Variants in PIGR observed in about 807,000 individuals in gnomAD.
PIGR encodes the protein polymeric immunoglobulin receptor.
A neutral mutation model predicts 69.5 loss-of-function variants in PIGR; 22 were observed. The observed-to-expected ratio is 0.32, with a 90% CI of 0.23 to 0.45. The LOEUF is 0.45. PIGR is among the 20% of genes least tolerant of loss of function. The pLI is 1.00. For synonymous variants in PIGR, 413 were observed against 407.6 expected (o/e 1.01, Z -0.16); for missense variants, 885 against 974.0 (o/e 0.91, Z 1.22).
intron 1 of PIGR, among the ~76,000 whole-genome samples, chr1:206,943,213 A>G (rs1009589991): frequency 6.6e-6 from 1 of 152,224 alleles, no homozygotes; most frequent in Admixed American, 6.5e-5. Context: ...GACTTCATCC[A>G]TCAGCACAAC....
chr1:206,933,320 G>C (rs1679798147), intron 6 of PIGR, among the ~76,000 whole-genome samples, 154 bp from the exon 7 acceptor site: 1 of 152,168 alleles, frequency 6.6e-6, no homozygotes, highest in Non-Finnish European at 1.5e-5. Flanking sequence ...ATTAGAAACA[G>C]CTGTGATGGC....
Position 206,931,422 on chromosome 1 carries a change from C to T in PIGR, c.2199+75G>A, listed in dbSNP as rs914956626. 1.1e-4 allele frequency: 175 copies of T among 1,612,984 alleles called. 1 individual carries two copies. The Admixed American group carries it at 2.9e-3, about 26-fold the overall frequency. Reference sequence around the variant, plus strand: ...GATCGGCCCCCATGTTGAGGTAGTTCTTTCTGAAGTCTAACTGCATCCCCT... The same window carrying T: ...GATCGGCCCCCATGTTGAGGTAGTTTTTTCTGAAGTCTAACTGCATCCCCT... On this transcript the variant is annotated intron_variant, in intron 10 of 10. Transcript: ENST00000356495.
At chr1:206,933,447 C>T (rs575613117) in intron 6 of PIGR, among the ~76,000 whole-genome samples, 4 of 152,240 alleles carry the variant, frequency 2.6e-5, no homozygotes, top group African/African-American at 4.8e-5. Flanking sequence ...CACTTATGCC[C>T]GGGAGATTTT....
chr1:206,930,986 T>C lies in PIGR; in HGVS notation c.2199+511A>G. Reference sequence around the variant, plus strand: ...CCTAGGGCAGATTGAGGGGATGGTATATGGCACCCAAGGCAGGAGTTGCCT... The same window carrying C: ...CCTAGGGCAGATTGAGGGGATGGTACATGGCACCCAAGGCAGGAGTTGCCT... On this transcript the variant is annotated intron_variant, in intron 10 of 10. Coordinates refer to ENST00000356495, the MANE Select transcript of PIGR (RefSeq NM_002644.4). This position sits in a 1 kb window ranked among gnomAD's most constrained non-coding sequence, Gnocchi z 4.3. 2 of 985,412 alleles carry C rather than the reference T, an allele frequency of 2.0e-6. No individual in the cohort carries two copies. Among genetic ancestry groups the C allele is most frequent in the South Asian group, 4.7e-5 (1 of 21,284 alleles). The allele number at this position is 985,412 out of a possible 1,614,324, so 61.0% of individuals were successfully genotyped here.
At chr1:206,934,785 G>A (rs753767569) in intron 5 of PIGR, 39 bp from the exon 6 acceptor site, 43 of 1,476,104 alleles carry the variant, frequency 2.9e-5, no homozygotes, top group Middle Eastern at 3.5e-4. Context: ...CACAGAAGTT[G>A]GTACTTGGAG....
rs140860484 is a variant in PIGR, at chr1:206,939,181, T to C, written c.326A>G (p.Lys109Arg). 24 of 1,614,032 alleles carry C rather than the reference T, an allele frequency of 1.5e-5. No homozygotes were observed. Among genetic ancestry groups the C allele is most frequent in the Admixed American group, 3.3e-5 (2 of 59,996 alleles). ...TCGGCTATTGATGCCCAGGCCACACTTGTAGCGCCCGGAGTCATCCTGGCT... is the reference window on the plus strand; with the variant it reads ...TCGGCTATTGATGCCCAGGCCACACCTGTAGCGCCCGGAGTCATCCTGGCT... ...QLSQDDSGRY[K>R]CGLGINSRGL... The change falls in exon 3 of 11, where the codon AAG becomes AGG. Residue 109 changes from lysine (K) to arginine (R), a missense_variant. Lys to Arg is a conservative substitution (Grantham distance 26). Transcript: ENST00000356495.
intron 1 of PIGR, among the ~76,000 whole-genome samples, chr1:206,946,077 C>T (rs1441218049): frequency 3.3e-5 from 5 of 152,168 alleles, no homozygotes; most frequent in Non-Finnish European, 5.9e-5. Flanking sequence ...CATATGCTGA[C>T]CACAGAGGTC....
In PIGR at chr1:206,939,481, A is replaced by G; in HGVS notation, c.44-18T>C. 6.4e-7 allele frequency: 1 copy of G among 1,561,646 alleles called. No homozygotes were observed. On this transcript the variant is annotated intron_variant, in intron 2 of 10. Coordinates refer to ENST00000356495, the MANE Select transcript of PIGR (RefSeq NM_002644.4). ...GGAGATGGCTGTGGGAACAGAAGAG[A>G]GAGGCTTTCTGAGGCCCTTGGGAGG...
At chr1:206,933,710 G>C (rs2102598099) in intron 6 of PIGR, among the ~76,000 whole-genome samples, 1 of 152,306 alleles carries the variant, frequency 6.6e-6, no homozygotes, top group East Asian at 1.9e-4. Context: ...TGTAAATGAA[G>C]GTATCTGGCC....
In PIGR at chr1:206,928,948, A is replaced by T. The variant is rs13190; in HGVS notation, c.*1370T>A. 54,140 of 152,154 alleles carry T rather than the reference A, an allele frequency of 0.36. 10,649 individuals are homozygous for T. Among genetic ancestry groups the T allele is most frequent in the Middle Eastern group, 0.52 (152 of 294 alleles). 9.4% of individuals were successfully genotyped at this position (152,154 alleles called of 1,614,324 possible). On this transcript the variant is annotated 3_prime_UTR_variant, in exon 11 of 11. Coordinates refer to ENST00000356495, the MANE Select transcript of PIGR (RefSeq NM_002644.4). ...TGAGGGCCTTTGAGAAAAACGCTTC[A>T]GGGCCAGGCTCAGTGGCTCATGCCT...
chr1:206,937,808 C>A, intron 3 of PIGR, 57 bp from the exon 4 acceptor site: 1 of 1,476,718 alleles, frequency 6.8e-7, no homozygotes, highest in Non-Finnish European at 9.3e-7. Flanking sequence ...TACTTTCTTG[C>A]AACATAGGAC....
At chr1:206,945,197 C>A (rs1337566178) in intron 1 of PIGR, among the ~76,000 whole-genome samples, 1 of 152,198 alleles carries the variant, frequency 6.6e-6, no homozygotes, top group African/African-American at 2.4e-5. Context: ...TGTCCAGGCA[C>A]CAGACAGCTG....
chr1:206,937,378 G>A lies in PIGR; in HGVS notation c.762C>T (p.Thr254=). 6.2e-7 allele frequency: 1 copy of A among 1,613,948 alleles called. No individual in the cohort carries two copies. The highest frequency in any genetic ancestry group is 8.5e-7 in the Non-Finnish European group (1 of 1,179,852). Residue 254 remains threonine (T), a synonymous_variant, in exon 4 of 11, where the codon ACC becomes ACT. Coordinates refer to ENST00000356495, the MANE Select transcript of PIGR (RefSeq NM_002644.4). The part of the protein sequence containing the change: ...LVYEDLRGSV[T]FHCALGPEVA... Reference sequence around the variant, plus strand: ...CCTCAGGGCCCAGGGCACAGTGGAAGGTCACTGAGCCCCTCAGGTCTTCAT... The same window carrying A: ...CCTCAGGGCCCAGGGCACAGTGGAAAGTCACTGAGCCCCTCAGGTCTTCAT...
chr1:206,928,840 C>T lies in PIGR; in HGVS notation c.*1478G>A, dbSNP rs1164349237. ...CTCCCTCCTCCTCCTTATTCTAAAA[C>T]TGTGCCTCCAACAGAGGGGCAGGGG... On this transcript the variant is annotated 3_prime_UTR_variant, in exon 11 of 11. Coordinates refer to ENST00000356495, the MANE Select transcript of PIGR (RefSeq NM_002644.4). The T allele has an allele frequency of 6.6e-6, 1 of 152,614 alleles. No individual in the cohort carries two copies. Among genetic ancestry groups the T allele is most frequent in the Non-Finnish European group, 1.5e-5 (1 of 68,048 alleles). 9.5% of individuals were successfully genotyped at this position (152,614 alleles called of 1,614,324 possible).
In PIGR at chr1:206,937,726, T is replaced by A. The variant is rs1679895087; in HGVS notation, c.414A>T (p.Lys138Asn). 6 of 1,614,004 alleles carry A rather than the reference T, an allele frequency of 3.7e-6. No individual in the cohort carries two copies. The highest frequency in any genetic ancestry group is 5.1e-6 in the Non-Finnish European group (6 of 1,179,994). Residue 138 changes from lysine (K) to asparagine (N), a missense_variant, in exon 4 of 11, where the codon AAA becomes AAT. Physicochemically the swap from Lys to Asn is moderately conservative, Grantham distance 94 (BLOSUM62 0). Transcript: ENST00000356495. ...SQGPGLLNDT[K>N]VYTVDLGRTV... ...TTCTGCCCAGGTCCACTGTGTAGAC[T>A]TTAGTGTCATTTAGGAGCCCAGGAC...
Position 206,937,684 on chromosome 1 carries a change from G to A in PIGR, c.456C>T (p.Cys152=), listed in dbSNP as rs777169683. ...VDLGRTVTIN[C]PFKTENAQKR... Reference sequence around the variant, plus strand: ...TTTGAGCATTCTCAGTCTTGAAAGGGCAGTTGATGGTCACCGTTCTGCCCA... The same window carrying A: ...TTTGAGCATTCTCAGTCTTGAAAGGACAGTTGATGGTCACCGTTCTGCCCA... The change falls in exon 4 of 11, where the codon TGC becomes TGT. Residue 152 remains cysteine, a synonymous_variant. Transcript: ENST00000356495. 2 of 1,613,964 alleles carry A rather than the reference G, an allele frequency of 1.2e-6. No individual in the cohort carries two copies. The highest frequency in any genetic ancestry group is 1.1e-5 in the South Asian group (1 of 91,012).
chr1:206,938,594 C>G (rs1023515473), intron 3 of PIGR, among the ~76,000 whole-genome samples: 2 of 152,110 alleles, frequency 1.3e-5, no homozygotes, highest in Non-Finnish European at 2.9e-5. Context: ...GTTAGCAACC[C>G]ATCCTTTCAG....
intron 3 of PIGR, 88 bp from the exon 4 acceptor site, chr1:206,937,839 G>C: frequency 8.2e-7 from 1 of 1,220,908 alleles, no homozygotes; most frequent in South Asian, 1.5e-5. Context: ...TCCTAGTTAG[G>C]GTGTGGGTGG....
At chr1:206,932,616 G>T in intron 7 of PIGR, 39 bp from the exon 8 acceptor site, 1 of 1,576,532 alleles carries the variant, frequency 6.3e-7, no homozygotes. Flanking sequence ...CTGGAAGGGA[G>T]ATCTGGGGGC....
Sources: allele counts gnomAD v4.1 joint callset (sites outside exome capture counted in the v4.1 genomes callset), GRCh38; gene constraint gnomAD v4.1.1; non-coding constraint Gnocchi (gnomAD v3.1); transcripts MANE v1.5; gene names NCBI Gene and HGNC (gene_info 2026-07-23, HGNC 2026-07-21).